Variants in KMT2A observed in about 807,000 individuals in gnomAD.
KMT2A encodes the protein lysine methyltransferase 2A.
A neutral mutation model predicts 345.3 loss-of-function variants in KMT2A; 16 were observed. The observed-to-expected ratio is 0.05, with a 90% CI of 0.03 to 0.07. The LOEUF (loss-of-function observed/expected upper bound fraction) is 0.07. Ranked by LOEUF, KMT2A falls within the 10% of genes least tolerant of loss-of-function variation. KMT2A has a pLI of 1.00. For synonymous variants in KMT2A, 1,599 were observed against 1,778.6 expected (o/e 0.90, Z 2.54); for missense variants, 3,272 against 4,841.6 (o/e 0.68, Z 9.62).
In KMT2A at chr11:118,495,719, G is replaced by T; in HGVS notation, c.5383G>T (p.Ala1795Ser). The change falls in exon 19 of 36, where the codon GCA becomes TCA. Residue 1795 changes from alanine to serine, a missense_variant. By Grantham distance (99) the Ala-to-Ser change is moderately conservative. This residue lies in a region of KMT2A where 235 missense variants were observed against 503.4 expected (regional missense o/e 0.47). Coordinates refer to ENST00000534358, the MANE Select transcript of KMT2A (RefSeq NM_001197104.2). This position sits in a 1 kb window ranked among gnomAD's most constrained non-coding sequence, Gnocchi z 4.1. Reference sequence around the variant, plus strand: ...TTTCAGCAGTGGGATGTTACCAAACGCAGTGCTTCCACCTTCACTTGACCA... The same window carrying T: ...TTTCAGCAGTGGGATGTTACCAAACTCAGTGCTTCCACCTTCACTTGACCA... Reference protein sequence around the residue: ...VSSNSGMLPNAVLPPSLDHNY... With the variant: ...VSSNSGMLPNSVLPPSLDHNY... 1 of 1,611,766 alleles carries T rather than the reference G, an allele frequency of 6.2e-7. No homozygotes were observed. The highest frequency in any genetic ancestry group is 1.3e-5 in the African/African-American group (1 of 74,924).
At chr11:118,463,124 A>ATT (rs72218407) in intron 1 of KMT2A, among the ~76,000 whole-genome samples, 2 of 146,528 alleles carry the variant, frequency 1.4e-5, no homozygotes, top group African/African-American at 2.5e-5. Flanking sequence ...ATTTATCTTT[A>ATT]TTTTTTTTTT....
In KMT2A at chr11:118,496,435, A is replaced by G. The variant is rs1159727089; in HGVS notation, c.5664+68A>G. On this transcript the variant is annotated intron_variant, in intron 20 of 35. Coordinates refer to ENST00000534358, the MANE Select transcript of KMT2A (RefSeq NM_001197104.2). This position sits in a 1 kb window ranked among gnomAD's most constrained non-coding sequence, Gnocchi z 4.7. ...AAAAGAACTGTTTGTCCTTGTGTCC[A>G]TACTTGATGACTGGGTGCCATTTAT... 1 of 1,058,926 alleles carries G rather than the reference A, an allele frequency of 9.4e-7. No individual in the cohort carries two copies. The highest frequency in any genetic ancestry group is 1.5e-6 in the Non-Finnish European group (1 of 686,866). 65.6% of individuals were successfully genotyped at this position (1,058,926 alleles called of 1,614,324 possible). A position where few individuals can be genotyped will look rare whatever the true frequency, so the allele number is the denominator to read the frequency against.
At chr11:118,481,677 C>T (rs1950134841) in intron 6 of KMT2A, 38 bp from the exon 7 acceptor site, 19 of 1,570,984 alleles carry the variant, frequency 1.2e-5, no homozygotes, top group Non-Finnish European at 1.6e-5. Context: ...AAATTATTCT[C>T]ACTATAGACA....
chr11:118,472,567 T>C lies in KMT2A; in HGVS notation c.1408T>C (p.Ser470Pro). Residue 470 changes from serine to proline, a missense_variant, in exon 3 of 36, where the codon TCT becomes CCT. By Grantham distance (74) the Ser-to-Pro change is moderately conservative. Transcript: ENST00000534358. ...ATCAAGTGCAGCTTCTCAGCACTCC[T>C]CTCAAATGTCTTCAGACTCCTCTCG... ...EKSSAASQHS[S>P]QMSSDSSRSS... is the part of the protein sequence containing the mutation. 6.2e-7 allele frequency: 1 copy of C among 1,611,986 alleles called. No individual in the cohort carries two copies. Among genetic ancestry groups the C allele is most frequent in the Non-Finnish European group, 8.5e-7 (1 of 1,179,674 alleles).
chr11:118,520,307 T>G lies in KMT2A; in HGVS notation c.11429+243T>G, dbSNP rs1450389721. 3 of 495,452 alleles carry G rather than the reference T, an allele frequency of 6.1e-6. No individual in the cohort carries two copies. The highest frequency in any genetic ancestry group is 1.1e-5 in the Non-Finnish European group (3 of 280,116). 30.7% of individuals were successfully genotyped at this position (495,452 alleles called of 1,614,324 possible). On this transcript the variant is annotated intron_variant, in intron 33 of 35. Transcript: ENST00000534358. This position sits in a 1 kb window ranked among gnomAD's most constrained non-coding sequence, Gnocchi z 4.3. ...TTAATGATAGTATACTCTGTCAGCT[T>G]TGGTTGTACCACCATAGTTGTCATG...
At chr11:118,469,718 G>A (rs1358123984) in intron 2 of KMT2A, among the ~76,000 whole-genome samples, 2 of 152,206 alleles carry the variant, frequency 1.3e-5, no homozygotes, top group Admixed American at 1.3e-4. Flanking sequence ...AGACACTCCA[G>A]CTAAATATGA....
intron 1 of KMT2A, among the ~76,000 whole-genome samples, chr11:118,459,135 T>A (rs1949700619): frequency 6.6e-6 from 1 of 151,968 alleles, no homozygotes; most frequent in Admixed American, 6.5e-5. Context: ...CAGTGCACAA[T>A]CTCAGCTCAC....
chr11:118,459,389 A>T (rs946126074), intron 1 of KMT2A, among the ~76,000 whole-genome samples: 1 of 152,030 alleles, frequency 6.6e-6, no homozygotes, highest in African/African-American at 2.4e-5. Context: ...AAGACTAAAA[A>T]TTTTGGAAAC....
At chr11:118,466,334 A>T (rs1347727183) in intron 1 of KMT2A, among the ~76,000 whole-genome samples, 1 of 152,158 alleles carries the variant, frequency 6.6e-6, no homozygotes, top group Non-Finnish European at 1.5e-5. Context: ...GGCAAATTTT[A>T]AAATTTTCTG....
intron 24 of KMT2A, 168 bp from the exon 25 acceptor site, chr11:118,500,819 G>T (rs1950488846): frequency 2.3e-6 from 1 of 433,408 alleles, no homozygotes; most frequent in South Asian, 8.4e-5. Flanking sequence ...ACTTCAAAAA[G>T]CTTGGAACAA....
chr11:118,482,323 T>C, intron 7 of KMT2A, 99 bp from the exon 8 acceptor site: 1 of 474,860 alleles, frequency 2.1e-6, no homozygotes, highest in African/African-American at 2.4e-5. Flanking sequence ...GTTTAAATAG[T>C]TTTTTTTTTT....
intron 1 of KMT2A, among the ~76,000 whole-genome samples, chr11:118,444,133 G>T (rs1263823473): frequency 6.6e-6 from 1 of 151,980 alleles, no homozygotes; most frequent in Admixed American, 6.6e-5. Flanking sequence ...TTTTCTTTAG[G>T]CTGTCCTTTA....
chr11:118,464,357 G>A (rs1949801954), intron 1 of KMT2A, among the ~76,000 whole-genome samples: 1 of 152,082 alleles, frequency 6.6e-6, no homozygotes, highest in Non-Finnish European at 1.5e-5. Context: ...CCAACATGAC[G>A]AAACCCCATC....
chr11:118,517,595 G>A (rs1279481167), intron 31 of KMT2A, among the ~76,000 whole-genome samples: 1 of 152,076 alleles, frequency 6.6e-6, no homozygotes, highest in African/African-American at 2.4e-5. Flanking sequence ...TACCTAGCAA[G>A]TTGGGAGGCC....
Position 118,446,988 on chromosome 11 carries a change from C to A in KMT2A, c.432+10044C>A, listed in dbSNP as rs1949434942. On this transcript the variant is annotated intron_variant, in intron 1 of 35. Transcript: ENST00000534358. ...CAGTCTTTGTTTATCTGCCTTTGTA[C>A]CTTTGCTAAAGCCTCTCCTTTGCCT... 5.3e-5 allele frequency among the ~76,000 whole-genome samples: 8 copies of A among 152,254 alleles called. No homozygotes were observed. The South Asian group carries it at 1.7e-3, about 32-fold the overall frequency.
At position 118,526,382 on chromosome 11, in the gene KMT2A, C is replaced by G. The variant is rs1591318764; in HGVS notation, c.*4210C>G. On this transcript the variant is annotated 3_prime_UTR_variant, in exon 36 of 36. Coordinates refer to ENST00000534358, the MANE Select transcript of KMT2A (RefSeq NM_001197104.2). ...AGGTACTCTAGTTCTGTCTTTCAACCAAGAAAATAGAATTGTGGTGTTTCT... is the reference window on the plus strand; with the variant it reads ...AGGTACTCTAGTTCTGTCTTTCAACGAAGAAAATAGAATTGTGGTGTTTCT... 4.4e-6 allele frequency: 1 copy of G among 226,594 alleles called. No individual in the cohort carries two copies. Among genetic ancestry groups the G allele is most frequent in the Non-Finnish European group, 8.8e-6 (1 of 114,054 alleles). The allele number at this position is 226,594 out of a possible 1,614,324, so 14.0% of individuals were successfully genotyped here. A position where few individuals can be genotyped will look rare whatever the true frequency, so the allele number is the denominator to read the frequency against.
At chr11:118,512,195 A>G (rs1565311571) in intron 31 of KMT2A, 170 bp downstream of exon 31, 1 of 614,736 alleles carries the variant, frequency 1.6e-6, no homozygotes, top group African/African-American at 1.8e-5. Flanking sequence ...CATACAATTC[A>G]GTGGTTTTTA....
rs1950659167 is a variant in KMT2A, at chr11:118,510,214, A to AAAC, written c.11071+96_11071+97insAAC. 3 of 965,944 alleles carry AAAC rather than the reference A, an allele frequency of 3.1e-6. No homozygotes were observed. Among genetic ancestry groups the AAAC allele is most frequent in the Non-Finnish European group, 4.6e-6 (3 of 653,052 alleles). 59.8% of individuals were successfully genotyped at this position (965,944 alleles called of 1,614,324 possible). On this transcript the variant is annotated intron_variant, in intron 30 of 35. Transcript: ENST00000534358. The surrounding 1 kb of genome is among the most constrained non-coding windows in gnomAD (Gnocchi z 4.1). ...TTAGCACCATTTAGGTGGCTGTTTTATGCTAGATGGTAGGGGGATACCTGG... is the reference window on the plus strand; with the variant it reads ...TTAGCACCATTTAGGTGGCTGTTTTAAACTGCTAGATGGTAGGGGGATACCTGG...
rs1950041043 is a variant in KMT2A at position 118,476,527 on chromosome 11, C to T, written c.3157-278C>T. ...TAAATTTTGTGTAGAGATGGGTTCT[C>T]GCTATGTTGCCCATACTGGTCTTGA... On this transcript the variant is annotated intron_variant, in intron 3 of 35. Transcript: ENST00000534358. This position sits in a 1 kb window ranked among gnomAD's most constrained non-coding sequence, Gnocchi z 4.1. 2.0e-5 allele frequency among the ~76,000 whole-genome samples: 3 copies of T among 152,230 alleles called. No homozygotes were observed. The highest frequency in any genetic ancestry group is 1.9e-4 in the East Asian group (1 of 5,178).
Sources: allele counts gnomAD v4.1 joint callset (sites outside exome capture counted in the v4.1 genomes callset), GRCh38; gene constraint gnomAD v4.1.1; regional missense constraint gnomAD v4.1.1; non-coding constraint Gnocchi (gnomAD v3.1); transcripts MANE v1.5; gene names NCBI Gene and HGNC (gene_info 2026-07-23, HGNC 2026-07-21).